Variants in IL1R1 observed in about 807,000 individuals in gnomAD.
The protein encoded by IL1R1 is interleukin 1 receptor type 1.
A neutral mutation model predicts 50.2 loss-of-function variants in IL1R1; 22 were observed. That is an observed-to-expected ratio of 0.44 (90% confidence interval 0.31 to 0.63). The LOEUF is 0.63. Ranked by LOEUF, IL1R1 falls within the 20% of genes least tolerant of loss-of-function variation. IL1R1 has a pLI of 0.07. For missense variants in IL1R1, 509 were observed against 676.2 expected (o/e 0.75, Z 2.74); for synonymous variants, 251 against 236.7 (o/e 1.06, Z -0.55).
chr2:102,134,531 A>G (rs1682234913), intron 1 of IL1R1, among the ~76,000 whole-genome samples: 1 of 152,096 alleles, frequency 6.6e-6, no homozygotes, highest in East Asian at 1.9e-4. Flanking sequence ...GGCATGTGCC[A>G]CCACGCCCAG....
chr2:102,132,109 A>G (rs949335410), intron 1 of IL1R1, among the ~76,000 whole-genome samples: 5 of 152,024 alleles, frequency 3.3e-5, no homozygotes, highest in Admixed American at 1.3e-4. Context: ...TTTCAAAAAC[A>G]AAGACACAAT....
chr2:102,134,679 G>C (rs1344840938), intron 1 of IL1R1, among the ~76,000 whole-genome samples: 3 of 152,124 alleles, frequency 2.0e-5, no homozygotes, highest in Non-Finnish European at 4.4e-5. Flanking sequence ...TGCCCGGCCT[G>C]CATCACTACT....
chr2:102,128,541 T>C (rs1396655538), intron 1 of IL1R1, among the ~76,000 whole-genome samples: 1 of 152,218 alleles, frequency 6.6e-6, no homozygotes, highest in Admixed American at 6.5e-5. Context: ...ATTGATAACA[T>C]TATTTTGCCA....
At chr2:102,096,099 A>C (rs1045030884) in intron 1 of IL1R1, among the ~76,000 whole-genome samples, 1 of 152,230 alleles carries the variant, frequency 6.6e-6, no homozygotes, top group African/African-American at 2.4e-5. Context: ...TATATGTAGC[A>C]CAACTTAGTT....
chr2:102,141,162 G>C (rs1682623248), upstream of IL1R1, among the ~76,000 whole-genome samples: 1 of 152,212 alleles, frequency 6.6e-6, no homozygotes, highest in South Asian at 2.1e-4. Flanking sequence ...TTGGACACGT[G>C]GTTGAAGCAG....
chr2:102,152,499 C>A (rs1445411870), intron 1 of IL1R1, among the ~76,000 whole-genome samples: 1 of 67,692 alleles, frequency 1.5e-5, no homozygotes, highest in Non-Finnish European at 2.6e-5. Flanking sequence ...AGCAAGACTC[C>A]GTCTCAAAAA....
chr2:102,125,742 G>T (rs1390183064), intron 1 of IL1R1, among the ~76,000 whole-genome samples: 1 of 152,186 alleles, frequency 6.6e-6, no homozygotes. Context: ...CTAATTAGTT[G>T]TCTGTGCTTC....
At chr2:102,119,571 T>C (rs1200955215) in intron 1 of IL1R1, among the ~76,000 whole-genome samples, 2 of 152,266 alleles carry the variant, frequency 1.3e-5, no homozygotes, top group East Asian at 1.9e-4. Flanking sequence ...GTTTGAAGAG[T>C]CTTAAACAAA....
intron 1 of IL1R1, among the ~76,000 whole-genome samples, chr2:102,075,754 T>C (rs1678928709): frequency 6.6e-6 from 1 of 152,212 alleles, no homozygotes; most frequent in Non-Finnish European, 1.5e-5. Context: ...TCTTGGCAGA[T>C]AAGAACGAAA....
At chr2:102,094,816 C>CATAT (rs3047446) in intron 1 of IL1R1, among the ~76,000 whole-genome samples, 21 of 151,966 alleles carry the variant, frequency 1.4e-4, no homozygotes, top group African/African-American at 4.8e-4. Flanking sequence ...GAACAGGTTG[C>CATAT]ATATATATAC....
intron 1 of IL1R1, among the ~76,000 whole-genome samples, chr2:102,146,182 A>G (rs1258956049): frequency 6.6e-6 from 1 of 152,122 alleles, no homozygotes; most frequent in East Asian, 1.9e-4. Flanking sequence ...AAATGTGAGA[A>G]CTCATAGATC....
At chr2:102,100,989 T>A (rs1680116507), upstream of IL1R1, among the ~76,000 whole-genome samples, 1 of 152,252 alleles carries the variant, frequency 6.6e-6, no homozygotes, top group East Asian at 1.9e-4. Flanking sequence ...GGGGATGGCA[T>A]GGTTAATTCT....
At chr2:102,152,504 CAAAAAAAAAAAAAAAAAAAAAA>C (rs70946674) in intron 1 of IL1R1, among the ~76,000 whole-genome samples, 15 of 29,696 alleles carry the variant, frequency 5.1e-4, no homozygotes, top group Non-Finnish European at 5.1e-4. Flanking sequence ...GACTCCGTCT[CAAAAAAAAAAAAAAAAAAAAAA>C]AAAAAAAAAA....
At chr2:102,095,981 G>T (rs1007790599) in intron 1 of IL1R1, among the ~76,000 whole-genome samples, 2 of 152,132 alleles carry the variant, frequency 1.3e-5, no homozygotes, top group Middle Eastern at 6.8e-3. Flanking sequence ...CCAGCCTGGC[G>T]ATATAGCCAG....
At chr2:102,161,401 GT>G (rs1483800205) in intron 3 of IL1R1, among the ~76,000 whole-genome samples, 3 of 152,184 alleles carry the variant, frequency 2.0e-5, no homozygotes, top group Non-Finnish European at 4.4e-5. Context: ...AGAATGTAAT[GT>G]TCTACTGTTG....
At chr2:102,088,344 T>C (rs766189819) in intron 1 of IL1R1, among the ~76,000 whole-genome samples, 1 of 152,144 alleles carries the variant, frequency 6.6e-6, no homozygotes, top group African/African-American at 2.4e-5. Context: ...AAAACATTAA[T>C]CTCTTTTTAC....
intron 1 of IL1R1, among the ~76,000 whole-genome samples, chr2:102,093,598 T>C (rs904256156): frequency 6.6e-6 from 1 of 152,248 alleles, no homozygotes; most frequent in Admixed American, 6.5e-5. Flanking sequence ...CTAGTGATAT[T>C]GAGCATTTTT....
chr2:102,105,385 G>A (rs879557209), intron 1 of IL1R1, among the ~76,000 whole-genome samples: 1 of 152,134 alleles, frequency 6.6e-6, no homozygotes, highest in Admixed American at 6.5e-5. Flanking sequence ...TTTTGTTTGA[G>A]ATGGGGTCTC....
At chr2:102,104,641 C>T (rs957605898) in exon 1 of IL1R1, 8 of 152,262 alleles carry the variant, frequency 5.3e-5, no homozygotes, top group African/African-American at 1.4e-4. Context: ...TTTGAGCCTC[C>T]GTACCAGCTG....
Sources: allele counts gnomAD v4.1 joint callset (sites outside exome capture counted in the v4.1 genomes callset), GRCh38; gene constraint gnomAD v4.1.1; transcripts MANE v1.5; gene names NCBI Gene and HGNC (gene_info 2026-07-23, HGNC 2026-07-21).